MTMR6: variants seen among roughly 807,000 people sequenced by gnomAD.
MTMR6 encodes the protein phosphatidylinositol-3,5-bisphosphate 3-phosphatase MTMR6.
A neutral mutation model predicts 80.1 loss-of-function variants in MTMR6; 47 were observed. That is an observed-to-expected ratio of 0.59 (90% confidence interval 0.46 to 0.75). The LOEUF (loss-of-function observed/expected upper bound fraction) is 0.75. Among genes scored for constraint, MTMR6 ranks in the 30% least tolerant of loss-of-function variants. The probability of loss-of-function intolerance (pLI) is 0.00; values close to 1 mark genes in which losing one functional copy is unlikely to be tolerated. For synonymous variants in MTMR6, 254 were observed against 253.0 expected (o/e 1.00, Z -0.04); for missense variants, 629 against 730.9 (o/e 0.86, Z 1.61).
At chr13:25,254,498 A>C in intron 9 of MTMR6, 64 bp from the exon 10 acceptor site, 1 of 1,081,002 alleles carries the variant, frequency 9.3e-7, no homozygotes, top group Non-Finnish European at 1.4e-6. Context: ...AGGCTGGATT[A>C]AATCTTATTA....
At chr13:25,257,105 A>T (rs1957226133) in intron 9 of MTMR6, 91 bp downstream of exon 9, 1 of 1,348,270 alleles carries the variant, frequency 7.4e-7, no homozygotes. Context: ...CCTTTAGTGC[A>T]AAACTGTCTC....
At position 25,260,502 on chromosome 13, in the gene MTMR6, A is replaced by G. The variant is rs901830879; in HGVS notation, c.726+1166T>C. 3 of 569,270 alleles carry G rather than the reference A, an allele frequency of 5.3e-6. No individual in the cohort carries two copies. The African/African-American group carries it at 6.0e-5, about 11-fold the overall frequency. 35.3% of individuals were successfully genotyped at this position (569,270 alleles called of 1,614,324 possible). On this transcript the variant is annotated intron_variant, in intron 6 of 13. Transcript: ENST00000381801. Reference sequence around the variant, plus strand: ...TTTTGTGAAATTGCATAATGATGAGAATCACTTCTAAAATAGTGACCATTC... The same window carrying G: ...TTTTGTGAAATTGCATAATGATGAGGATCACTTCTAAAATAGTGACCATTC...
At chr13:25,264,650 G>A (rs1196117437) in intron 5 of MTMR6, among the ~76,000 whole-genome samples, 1 of 151,180 alleles carries the variant, frequency 6.6e-6, no homozygotes, top group Non-Finnish European at 1.5e-5. Flanking sequence ...AGCTACTCAG[G>A]AGGCTGGGGC....
intron 2 of MTMR6, among the ~76,000 whole-genome samples, chr13:25,273,588 C>T (rs1457708468): frequency 5.4e-5 from 8 of 149,380 alleles, no homozygotes; most frequent in Admixed American, 6.7e-5. Context: ...TGCAATGGCG[C>T]GATCTCGGCT....
At chr13:25,263,494 A>C (rs1287551660) in intron 5 of MTMR6, among the ~76,000 whole-genome samples, 2 of 152,236 alleles carry the variant, frequency 1.3e-5, no homozygotes, top group Non-Finnish European at 2.9e-5. Context: ...TGAAATCCTG[A>C]CATCACTCTT....
intron 11 of MTMR6, among the ~76,000 whole-genome samples, chr13:25,252,452 G>A (rs1957112270): frequency 6.6e-6 from 1 of 152,224 alleles, no homozygotes; most frequent in Admixed American, 6.5e-5. Context: ...AAATCAGGAT[G>A]TTATGCAAGA....
At chr13:25,269,809 C>A (rs1186289494) in intron 2 of MTMR6, among the ~76,000 whole-genome samples, 1 of 151,902 alleles carries the variant, frequency 6.6e-6, no homozygotes, top group Non-Finnish European at 1.5e-5. Flanking sequence ...ACATAGAGAA[C>A]AAATAATTAA....
chr13:25,254,571 G>A, intron 9 of MTMR6, 137 bp from the exon 10 acceptor site: 3 of 644,934 alleles, frequency 4.7e-6, no homozygotes, highest in Admixed American at 3.5e-5. Flanking sequence ...AAAAACCACA[G>A]GCAAAAGAAT....
intron 1 of MTMR6, among the ~76,000 whole-genome samples, chr13:25,274,973 C>CACACACACACACAT (rs1566042753): frequency 1.1e-4 from 15 of 139,008 alleles, no homozygotes; most frequent in African/African-American, 4.2e-4. Flanking sequence ...CACACACACA[C>CACACACACACACAT]ACACACACAC....
At position 25,253,755 on chromosome 13, in the gene MTMR6, T is replaced by A. The variant is rs1431090756; in HGVS notation, c.1346+9A>T. ...GGAAAAGGAGACTCTTTTAATTGAATCATCTTACTTGAGCTCTTCTCTTTC... is the reference window on the plus strand; with the variant it reads ...GGAAAAGGAGACTCTTTTAATTGAAACATCTTACTTGAGCTCTTCTCTTTC... On this transcript the variant is annotated intron_variant, in intron 11 of 13. Coordinates refer to ENST00000381801, the MANE Select transcript of MTMR6 (RefSeq NM_004685.5). 5.0e-6 allele frequency: 8 copies of A among 1,610,932 alleles called. No homozygotes were observed. The highest frequency in any genetic ancestry group is 2.2e-5 in the South Asian group (2 of 90,898).
intron 1 of MTMR6, among the ~76,000 whole-genome samples, chr13:25,285,565 C>T (rs1431967925): frequency 1.3e-5 from 2 of 150,950 alleles, no homozygotes; most frequent in South Asian, 2.1e-4. Flanking sequence ...GACTGAGTCC[C>T]GCTCTATTGC....
chr13:25,262,137 A>G (rs548147954), intron 5 of MTMR6, among the ~76,000 whole-genome samples: 12 of 152,162 alleles, frequency 7.9e-5, no homozygotes, highest in Admixed American at 2.0e-4. Flanking sequence ...CTTCCAACTG[A>G]AGTTCAAGTA....
At chr13:25,287,097 C>T (rs113342357) in intron 1 of MTMR6, 127 bp downstream of exon 1, 2 of 1,393,380 alleles carry the variant, frequency 1.4e-6, no homozygotes, top group African/African-American at 1.4e-5. Context: ...CAGACCCTCC[C>T]GCCCCGGGCC....
intron 1 of MTMR6, among the ~76,000 whole-genome samples, chr13:25,282,760 C>T (rs988988239): frequency 2.0e-5 from 3 of 151,896 alleles, no homozygotes; most frequent in South Asian, 2.1e-4. Flanking sequence ...TGCCCGCCAC[C>T]ATGCCCAGCT....
chr13:25,283,577 G>A (rs561098756), intron 1 of MTMR6, among the ~76,000 whole-genome samples: 84 of 152,296 alleles, frequency 5.5e-4, no homozygotes, highest in Non-Finnish European at 1.1e-3. Flanking sequence ...GAGGGAGCAA[G>A]CTAAAGAACA....
intron 2 of MTMR6, among the ~76,000 whole-genome samples, chr13:25,270,215 G>A (rs1957542479): frequency 6.6e-6 from 1 of 152,122 alleles, no homozygotes; most frequent in Non-Finnish European, 1.5e-5. Context: ...TTTGCAGGAA[G>A]AAAATGATGA....
At chr13:25,267,744 T>A (rs776876550) in intron 3 of MTMR6, 35 bp downstream of exon 3, 2 of 1,577,674 alleles carry the variant, frequency 1.3e-6, no homozygotes, top group South Asian at 2.3e-5. Flanking sequence ...CCATCTCAAA[T>A]TGAGCATGTA....
At position 25,251,022 on chromosome 13, in the gene MTMR6, T is replaced by G. The variant is rs1403173420; in HGVS notation, c.1605+627A>C. On this transcript the variant is annotated intron_variant, in intron 13 of 13. Transcript: ENST00000381801. This position sits in a 1 kb window ranked among gnomAD's most constrained non-coding sequence, Gnocchi z 4.1. ...TATGTTTTATTTCTTTTTTTTTTGT[T>G]TGTTTTTGTTTTGAGATGGAGTCTT... Among the ~76,000 whole-genome samples, 2 of 152,044 alleles carry G rather than the reference T, an allele frequency of 1.3e-5. No homozygotes were observed. The highest frequency in any genetic ancestry group is 2.4e-5 in the African/African-American group (1 of 41,382).
chr13:25,263,789 G>A (rs769380990), intron 5 of MTMR6, among the ~76,000 whole-genome samples: 2 of 152,192 alleles, frequency 1.3e-5, no homozygotes, highest in African/African-American at 2.4e-5. Context: ...GGGAGTCTGA[G>A]GCAGGAGAAT....
Sources: allele counts gnomAD v4.1 joint callset (sites outside exome capture counted in the v4.1 genomes callset), GRCh38; gene constraint gnomAD v4.1.1; non-coding constraint Gnocchi (gnomAD v3.1); transcripts MANE v1.5; gene names NCBI Gene and HGNC (gene_info 2026-07-23, HGNC 2026-07-21).